ROCK2: variants seen among roughly 807,000 people sequenced by gnomAD.
ROCK2 encodes the protein rho-associated protein kinase 2.
Under a neutral mutation model 195.1 loss-of-function variants are expected in ROCK2, and 61 were observed. The ratio of observed to expected loss-of-function variants is 0.31; its 90% CI spans 0.25 to 0.39. The LOEUF is 0.39. ROCK2 is among the 10% of genes least tolerant of loss of function. The pLI, the probability that ROCK2 is intolerant of heterozygous loss-of-function variation, is 1.00. For synonymous variants in ROCK2, 504 were observed against 545.5 expected (o/e 0.92, Z 1.06); for missense variants, 1,109 against 1,637.4 (o/e 0.68, Z 5.57).
Position 11,215,619 on chromosome 2 carries a change from T to G in ROCK2, c.1488A>C (p.Ser496=), listed in dbSNP as rs746951200. 5.0e-6 allele frequency: 8 copies of G among 1,608,992 alleles called. No individual in the cohort carries two copies. In the African/African-American group the frequency reaches 1.1e-4, roughly 22 times the overall value. Residue 496 remains serine (S), a synonymous_variant, in exon 14 of 33, where the codon TCA becomes TCC. Transcript: ENST00000315872. ...TTTCTCTTTCTAACTGTCTTAATGC[T>G]GATTCCACACTTTTCCGTAAGGTAA... ...EEITLRKSVE[S]ALRQLEREKA...
rs748373001 is a variant in ROCK2, at chr2:11,215,459, C to T, written c.1598-47G>A. 5.0e-6 allele frequency: 8 copies of T among 1,605,844 alleles called. No homozygotes were observed. The East Asian group carries it at 6.7e-5, about 13-fold the overall frequency. ...TGGCAAGCTTAGCATAACACACATA[C>T]ACACACTTAATTTTTTTCTTGATGA... On this transcript the variant is annotated intron_variant, in intron 14 of 32. Coordinates refer to ENST00000315872, the MANE Select transcript of ROCK2 (RefSeq NM_004850.5).
chr2:11,293,788 A>C (rs1015779885), intron 1 of ROCK2, among the ~76,000 whole-genome samples: 1 of 152,148 alleles, frequency 6.6e-6, no homozygotes, highest in African/African-American at 2.4e-5. Flanking sequence ...GCTTCACCCT[A>C]ACCTCAGCCG....
chr2:11,293,871 C>T (rs373881832), intron 1 of ROCK2, among the ~76,000 whole-genome samples: 6 of 152,006 alleles, frequency 3.9e-5, no homozygotes, highest in Non-Finnish European at 7.4e-5. Flanking sequence ...TTTAAAAGAA[C>T]GTACGGGCCA....
chr2:11,291,983 A>T (rs1302913229), intron 1 of ROCK2, among the ~76,000 whole-genome samples: 3 of 48,998 alleles, frequency 6.1e-5, no homozygotes, highest in African/African-American at 7.4e-5. Flanking sequence ...AATGATAGAC[A>T]AATGACAGAC....
rs576909476 is a variant in ROCK2 at position 11,201,288 on chromosome 2, G to C, written c.2723+22C>G. 6.4e-7 allele frequency: 1 copy of C among 1,561,194 alleles called. No individual in the cohort carries two copies. The highest frequency in any genetic ancestry group is 8.8e-7 in the Non-Finnish European group (1 of 1,132,982). ...CAAAGTATACAGCTATGAACAAAAA[G>C]AGACAAGGGTCTCATACTTACCGTT... On this transcript the variant is annotated intron_variant, in intron 22 of 32. Transcript: ENST00000315872. This position sits in a 1 kb window ranked among gnomAD's most constrained non-coding sequence, Gnocchi z 4.6.
chr2:11,188,617 ATTTTTAT>A (rs1663293674), intron 32 of ROCK2, among the ~76,000 whole-genome samples: 1 of 114,122 alleles, frequency 8.8e-6, no homozygotes, highest in Non-Finnish European at 2.1e-5. Context: ...GTCTTATTTT[ATTTTTAT>A]TTTTTTATTT....
At chr2:11,240,025 T>C (rs1665367285) in intron 4 of ROCK2, among the ~76,000 whole-genome samples, 1 of 152,182 alleles carries the variant, frequency 6.6e-6, no homozygotes, top group African/African-American at 2.4e-5. Context: ...AAAAGTGCAT[T>C]TCTCTCCTGG....
At position 11,249,644 on chromosome 2, in the gene ROCK2, A is replaced by G; in HGVS notation, c.462+17T>C. 1 of 1,448,172 alleles carries G rather than the reference A, an allele frequency of 6.9e-7. No homozygotes were observed. 89.7% of individuals were successfully genotyped at this position (1,448,172 alleles called of 1,614,324 possible). A position where few individuals can be genotyped will look rare whatever the true frequency, so the allele number is the denominator to read the frequency against. On this transcript the variant is annotated intron_variant, in intron 4 of 32. Coordinates refer to ENST00000315872, the MANE Select transcript of ROCK2 (RefSeq NM_004850.5). ...CATAAAAAAAGGAAATAAACTTATA[A>G]AAGTTAGTATGCTTACCTGAACCAC...
At chr2:11,206,520 C>G (rs1310213935) in intron 20 of ROCK2, among the ~76,000 whole-genome samples, 1 of 152,086 alleles carries the variant, frequency 6.6e-6, no homozygotes, top group Admixed American at 6.6e-5. Flanking sequence ...TTTCTAGTTC[C>G]AATTTTAAAA....
chr2:11,237,764 C>A (rs1665262512), intron 4 of ROCK2, among the ~76,000 whole-genome samples: 2 of 152,116 alleles, frequency 1.3e-5, no homozygotes, highest in Non-Finnish European at 2.9e-5. Flanking sequence ...AAAAATTATT[C>A]AAGAATATAG....
intron 9 of ROCK2, among the ~76,000 whole-genome samples, chr2:11,220,610 C>CTA (rs1664604477): frequency 6.6e-6 from 1 of 152,222 alleles, no homozygotes; most frequent in East Asian, 1.9e-4. Context: ...AGCACCTGCT[C>CTA]TATGTTTGAG....
rs1017325059 is a variant in ROCK2 at position 11,308,796 on chromosome 2, C to G, written c.142-21060G>C. 1.9e-6 allele frequency: 3 copies of G among 1,611,694 alleles called. No homozygotes were observed. The African/African-American group carries it at 4.0e-5, about 22-fold the overall frequency. On this transcript the variant is annotated intron_variant, in intron 1 of 32. Coordinates refer to ENST00000315872, the MANE Select transcript of ROCK2 (RefSeq NM_004850.5). ...AGGTTTACCAGCACCAAGTGTTTTG[C>G]TTTCATGGAGATGGATGAAATTAAA...
At chr2:11,319,104 T>A (rs1260273180) in intron 1 of ROCK2, among the ~76,000 whole-genome samples, 1 of 152,204 alleles carries the variant, frequency 6.6e-6, no homozygotes, top group Non-Finnish European at 1.5e-5. Context: ...TTTGGTTCCA[T>A]ATGAACTTTA....
intron 1 of ROCK2, among the ~76,000 whole-genome samples, chr2:11,309,998 G>GA (rs1258450375): frequency 1.3e-5 from 2 of 151,214 alleles, no homozygotes; most frequent in African/African-American, 2.4e-5. Context: ...AGAAATGAAA[G>GA]AAAAAAAAGA....
chr2:11,232,343 GGT>G (rs1665047079), intron 5 of ROCK2, among the ~76,000 whole-genome samples: 1 of 152,032 alleles, frequency 6.6e-6, no homozygotes, highest in African/African-American at 2.4e-5. Flanking sequence ...TTCCCAGGCT[GGT>G]CTCGAACTCC....
intron 1 of ROCK2, among the ~76,000 whole-genome samples, chr2:11,312,319 C>A (rs1339234535): frequency 6.6e-6 from 1 of 151,982 alleles, no homozygotes; most frequent in Non-Finnish European, 1.5e-5. Context: ...TTAAAGTGTA[C>A]AATTTGATAA....
intron 1 of ROCK2, among the ~76,000 whole-genome samples, chr2:11,324,550 G>A (rs774969101): frequency 1.3e-5 from 2 of 152,250 alleles, no homozygotes; most frequent in African/African-American, 4.8e-5. Context: ...CAGTGGGTGA[G>A]TGGGTACAGT....
chr2:11,286,166 C>G (rs1432922179), intron 3 of ROCK2, among the ~76,000 whole-genome samples: 1 of 133,132 alleles, frequency 7.5e-6, no homozygotes, highest in East Asian at 2.4e-4. Flanking sequence ...AAATAAATTT[C>G]AGATTTAATT....
intron 1 of ROCK2, among the ~76,000 whole-genome samples, chr2:11,290,773 T>C (rs1420946413): frequency 3.9e-5 from 6 of 152,068 alleles, no homozygotes. Flanking sequence ...CCAGACTGAT[T>C]ACGAGAAAAT....
Sources: allele counts gnomAD v4.1 joint callset (sites outside exome capture counted in the v4.1 genomes callset), GRCh38; gene constraint gnomAD v4.1.1; non-coding constraint Gnocchi (gnomAD v3.1); transcripts MANE v1.5; gene names NCBI Gene and HGNC (gene_info 2026-07-23, HGNC 2026-07-21).